FANCA: variants seen among roughly 807,000 people sequenced by gnomAD.
FANCA encodes the protein FA complementation group A, also known as Fanconi anemia group A protein.
In FANCA, 236 loss-of-function variants were observed where a neutral mutation model predicts 194.3. That is an observed-to-expected ratio of 1.21 (90% CI 1.09 to 1.35). The LOEUF (loss-of-function observed/expected upper bound fraction) is 1.35. Among genes scored for constraint, FANCA ranks in the 40% most tolerant of loss-of-function variants. The probability of loss-of-function intolerance (pLI) is 0.00; values close to 1 mark genes in which losing one functional copy is unlikely to be tolerated. For synonymous variants in FANCA, 1,014 were observed against 715.8 expected (o/e 1.42, Z -6.65); for missense variants, 2,628 against 1,813.9 (o/e 1.45, Z -8.15).
intron 20 of FANCA, among the ~76,000 whole-genome samples, chr16:89,776,899 A>G (rs1160141277): frequency 6.6e-6 from 1 of 152,106 alleles, no homozygotes; most frequent in Non-Finnish European, 1.5e-5. Flanking sequence ...CAAATTAGTA[A>G]GAGGGAACTT....
At chr16:89,769,027 C>G (rs991098343) in intron 26 of FANCA, among the ~76,000 whole-genome samples, 7 of 152,200 alleles carry the variant, frequency 4.6e-5, no homozygotes, top group Non-Finnish European at 2.9e-5. Context: ...AGGCCCATGT[C>G]TGAGGTGTGG....
chr16:89,792,618 G>A (rs1432649790), intron 11 of FANCA, 71 bp from the exon 12 acceptor site: 4 of 1,365,406 alleles, frequency 2.9e-6, no homozygotes, highest in East Asian at 4.8e-5. Context: ...TTAAGGACCA[G>A]CCCCACAGGG....
rs1390771147 is a variant in FANCA, at chr16:89,739,158, C to T, written c.4142G>A (p.Gly1381Asp). 1 of 1,614,052 alleles carries T rather than the reference C, an allele frequency of 6.2e-7. No homozygotes were observed. Among genetic ancestry groups the T allele is most frequent in the Non-Finnish European group, 8.5e-7 (1 of 1,180,048 alleles). ...GDTSTVSPPA[G>D]RSLELKGQGN... Reference sequence around the variant, plus strand: ...CTGACCCTTGAGCTCCAGGCTCCTGCCAGCTGGAGGTGAAACTGTGCTTGT... The same window carrying T: ...CTGACCCTTGAGCTCCAGGCTCCTGTCAGCTGGAGGTGAAACTGTGCTTGT... Residue 1381 changes from glycine (G) to aspartate (D), a missense_variant, in exon 41 of 43, where the codon GGC becomes GAC. Coordinates refer to ENST00000389301, the MANE Select transcript of FANCA (RefSeq NM_000135.4).
In FANCA at chr16:89,758,997, G is replaced by T. The variant is rs17233371; in HGVS notation, c.2853-292C>A. ...GGTAACTGCTGGCCACACAGCACATGAGCTTGGTGAACAGAATAGGCAAGC... is the reference window on the plus strand; with the variant it reads ...GGTAACTGCTGGCCACACAGCACATTAGCTTGGTGAACAGAATAGGCAAGC... On this transcript the variant is annotated intron_variant, in intron 29 of 42. Transcript: ENST00000389301. Among the ~76,000 whole-genome samples, 706 of 152,238 alleles carry T rather than the reference G, an allele frequency of 4.6e-3. 4 individuals are homozygous for T. The highest frequency in any genetic ancestry group is 0.016 in the African/African-American group (679 of 41,550).
chr16:89,763,931 C>CAAAA (rs1567613716), intron 28 of FANCA, among the ~76,000 whole-genome samples: 13 of 124,368 alleles, frequency 1.0e-4, no homozygotes, highest in Non-Finnish European at 1.8e-4. Flanking sequence ...AAAAAAAAAA[C>CAAAA]AAAACAACAA....
At chr16:89,751,279 C>CA (rs2038580604) in intron 31 of FANCA, among the ~76,000 whole-genome samples, 1 of 152,020 alleles carries the variant, frequency 6.6e-6, no homozygotes, top group African/African-American at 2.4e-5. Flanking sequence ...ATGGGTGGTT[C>CA]ACTTGGGCCC....
chr16:89,738,824 A>G (rs763142032), intron 42 of FANCA, 58 bp downstream of exon 42: 1 of 1,613,958 alleles, frequency 6.2e-7, no homozygotes, highest in African/African-American at 1.3e-5. Context: ...CACATGGCCC[A>G]GGCAGCTGTC....
At position 89,783,026 on chromosome 16, in the gene FANCA, G is replaced by A; in HGVS notation, c.1547C>T (p.Thr516Ile). 1 of 1,614,100 alleles carries A rather than the reference G, an allele frequency of 6.2e-7. No individual in the cohort carries two copies. Among genetic ancestry groups the A allele is most frequent in the South Asian group, 1.1e-5 (1 of 91,082 alleles). Residue 516 changes from threonine to isoleucine, a missense_variant, in exon 16 of 43, where the codon ACA becomes ATA. Coordinates refer to ENST00000389301, the MANE Select transcript of FANCA (RefSeq NM_000135.4). Reference protein sequence around the residue: ...LLTDYISLAKTRLADLKVSIE... With the variant: ...LLTDYISLAKIRLADLKVSIE... ...GCTTGCCTTGAGGTCGGCCAGCCGT[G>A]TCTTGGCCAATGAGATGTAGTCTGT...
chr16:89,770,391 A>G lies in FANCA; in HGVS notation c.2223-132T>C, dbSNP rs1023645842. On this transcript the variant is annotated intron_variant, in intron 24 of 42. Transcript: ENST00000389301. ...CAAAACAGTGGTCTTTCTGGAAGAC[A>G]ACCCATCTTCTGCAGTGCTTCCCAA... 7 of 1,048,436 alleles carry G rather than the reference A, an allele frequency of 6.7e-6. No homozygotes were observed. The Admixed American group carries it at 1.4e-4, about 21-fold the overall frequency. The allele number at this position is 1,048,436 out of a possible 1,614,324, so 64.9% of individuals were successfully genotyped here.
At chr16:89,809,770 G>T (rs1484668015) in intron 5 of FANCA, among the ~76,000 whole-genome samples, 1 of 151,708 alleles carries the variant, frequency 6.6e-6, no homozygotes, top group Non-Finnish European at 1.5e-5. Flanking sequence ...GGAGAATGGC[G>T]TGAACCCGGG....
intron 32 of FANCA, among the ~76,000 whole-genome samples, chr16:89,749,329 C>T (rs889299722): frequency 3.9e-5 from 6 of 152,220 alleles, no homozygotes; most frequent in African/African-American, 1.4e-4. Flanking sequence ...TCTCCTGCCT[C>T]AGTCTCCCGA....
At chr16:89,767,540 T>C (rs1286536542) in intron 26 of FANCA, among the ~76,000 whole-genome samples, 5 of 151,860 alleles carry the variant, frequency 3.3e-5, no homozygotes, top group Admixed American at 3.3e-4. Flanking sequence ...GCTGATTCTG[T>C]TGTAGTTGTT....
chr16:89,766,832 A>C (rs187758117), intron 27 of FANCA, among the ~76,000 whole-genome samples: 4 of 152,186 alleles, frequency 2.6e-5, no homozygotes, highest in Admixed American at 2.0e-4. Flanking sequence ...CTTTTAATTC[A>C]TCTATCCTAT....
chr16:89,778,627 TAA>T (rs397693835), intron 20 of FANCA, among the ~76,000 whole-genome samples, 172 bp downstream of exon 20: 624 of 29,808 alleles, frequency 0.021, no homozygotes, highest in African/African-American at 0.082. Context: ...AGACTCCAAC[TAA>T]AAAAAAAAAA....
At chr16:89,793,142 G>C (rs1375534500) in intron 11 of FANCA, among the ~76,000 whole-genome samples, 1 of 152,122 alleles carries the variant, frequency 6.6e-6, no homozygotes, top group Non-Finnish European at 1.5e-5. Flanking sequence ...GAGGAGCAGA[G>C]TCTTCTCTAA....
rs2151709274 is a variant in FANCA, at chr16:89,738,467, A to G, written c.*134T>C. The G allele has an allele frequency of 2.1e-6, 3 of 1,459,048 alleles. No homozygotes were observed. Among genetic ancestry groups the G allele is most frequent in the African/African-American group, 1.4e-5 (1 of 71,566 alleles). The allele number at this position is 1,459,048 out of a possible 1,614,324, so 90.4% of individuals were successfully genotyped here. On this transcript the variant is annotated 3_prime_UTR_variant, in exon 43 of 43. Coordinates refer to ENST00000389301, the MANE Select transcript of FANCA (RefSeq NM_000135.4). Reference sequence around the variant, plus strand: ...TGACTCGGGGCCGGACAGTTCATAAATAATTGATTCCTTTCCCCACTAAAG... The same window carrying G: ...TGACTCGGGGCCGGACAGTTCATAAGTAATTGATTCCTTTCCCCACTAAAG...
At chr16:89,771,927 G>A (rs990183904) in intron 22 of FANCA, 113 bp from the exon 23 acceptor site, 66 of 1,247,640 alleles carry the variant, frequency 5.3e-5, no homozygotes, top group Non-Finnish European at 7.6e-5. Context: ...CCTGCTGACT[G>A]CACACATCCC....
chr16:89,767,328 A>G, intron 26 of FANCA, 91 bp from the exon 27 acceptor site: 9 of 925,568 alleles, frequency 9.7e-6, no homozygotes, highest in Non-Finnish European at 1.5e-5. Context: ...AACTGAATTT[A>G]GTGCATTCCG....
chr16:89,759,428 A>G (rs2143234433), intron 29 of FANCA, among the ~76,000 whole-genome samples: 1 of 150,898 alleles, frequency 6.6e-6, no homozygotes, highest in East Asian at 1.9e-4. Flanking sequence ...ACCTGCATCC[A>G]GACTGTGGAC....
Sources: gnomAD v4.1 joint callset for allele counts (sites outside exome capture counted in the v4.1 genomes callset) on GRCh38, gnomAD v4.1.1 for gene constraint, MANE v1.5 for transcripts, NCBI Gene and HGNC (gene_info 2026-07-23, HGNC 2026-07-21) for gene names.